FAM135B: variants seen among roughly 807,000 people sequenced by gnomAD.
FAM135B encodes the protein family with sequence similarity 135 member B.
FAM135B carries 43 observed loss-of-function variants against 127.7 expected under a neutral mutation model. That is an observed-to-expected ratio of 0.34 (90% CI 0.26 to 0.43). The LOEUF (loss-of-function observed/expected upper bound fraction) is 0.43, where lower values mean the gene tolerates loss of function less well. Ranked by LOEUF, FAM135B falls within the 20% of genes least tolerant of loss-of-function variation. The pLI is 1.00. For missense variants in FAM135B, 1,558 were observed against 1,725.6 expected (o/e 0.90, Z 1.72); for synonymous variants, 670 against 665.1 (o/e 1.01, Z -0.11).
chr8:138,153,237 A>T, intron 12 of FAM135B, 21 bp from the exon 13 acceptor site: 2 of 1,489,438 alleles, frequency 1.3e-6, no homozygotes, highest in Admixed American at 2.2e-5. Context: ...AAAAGAAAGA[A>T]AATTATATTA....
At chr8:138,447,319 G>A (rs1836232276) in intron 1 of FAM135B, among the ~76,000 whole-genome samples, 1 of 151,974 alleles carries the variant, frequency 6.6e-6, no homozygotes, top group African/African-American at 2.4e-5. Context: ...ATACCCAAAG[G>A]ATTATAAATC....
intron 7 of FAM135B, among the ~76,000 whole-genome samples, chr8:138,212,948 T>A (rs563078066): frequency 6.6e-6 from 1 of 152,328 alleles, no homozygotes; most frequent in African/African-American, 2.4e-5. Context: ...TTAAAAAAAA[T>A]TACTAGTCTC....
chr8:138,250,721 T>C (rs1317365545), intron 6 of FAM135B, 120 bp downstream of exon 6: 39 of 1,129,576 alleles, frequency 3.5e-5, no homozygotes, highest in Non-Finnish European at 4.5e-5. Flanking sequence ...AGCTTAAACC[T>C]GCAGCCTTAG....
At chr8:138,405,356 G>A (rs1407145269) in intron 1 of FAM135B, among the ~76,000 whole-genome samples, 1 of 146,414 alleles carries the variant, frequency 6.8e-6, no homozygotes, top group Non-Finnish European at 1.5e-5. Flanking sequence ...ATCTCCTAAT[G>A]TTATCCCTCC....
chr8:138,482,691 G>T (rs1814830764), intron 1 of FAM135B, among the ~76,000 whole-genome samples: 1 of 152,004 alleles, frequency 6.6e-6, no homozygotes, highest in African/African-American at 2.4e-5. Flanking sequence ...TAGACATATT[G>T]TTCTTGCATT....
intron 3 of FAM135B, among the ~76,000 whole-genome samples, chr8:138,294,595 A>G (rs1004629989): frequency 2.0e-5 from 3 of 152,158 alleles, no homozygotes; most frequent in Admixed American, 6.5e-5. Flanking sequence ...TTAAATGGAA[A>G]ACTCTGAGGT....
At chr8:138,436,256 G>A (rs985096) in intron 1 of FAM135B, among the ~76,000 whole-genome samples, 31,472 of 152,084 alleles carry the variant, frequency 0.21, 5,127 homozygotes, top group African/African-American at 0.45. Flanking sequence ...GGAAGAACTC[G>A]GTAAGATCAA....
At chr8:138,188,288 A>T (rs1418453980) in intron 9 of FAM135B, among the ~76,000 whole-genome samples, 1 of 152,210 alleles carries the variant, frequency 6.6e-6, no homozygotes, top group African/African-American at 2.4e-5. Flanking sequence ...GGAATCCCTG[A>T]TGTAAAGCTG....
In FAM135B at chr8:138,299,609, C is replaced by A. The variant is rs532162118; in HGVS notation, c.157+11232G>T. The stretch of plus-strand genomic sequence containing the variant: ...CATACACACACACACACACACACAC[C>A]CACGATCCAAATATAAAAATTAAGC... On this transcript the variant is annotated intron_variant, in intron 3 of 19. Coordinates refer to ENST00000395297, the MANE Select transcript of FAM135B (RefSeq NM_015912.4). 9.6e-4 allele frequency among the ~76,000 whole-genome samples: 143 copies of A among 149,312 alleles called. No individual in the cohort carries two copies. In the Middle Eastern group the frequency reaches 0.01, roughly 11 times the overall value.
Position 138,152,982 on chromosome 8 carries a change from G to C in FAM135B, c.1493C>G (p.Ser498Cys), listed in dbSNP as rs749817734. 6.2e-7 allele frequency: 1 copy of C among 1,614,198 alleles called. No individual in the cohort carries two copies. Among genetic ancestry groups the C allele is most frequent in the Admixed American group, 1.7e-5 (1 of 60,020 alleles). ...TTCACCAATTGATATATACACCTGA[G>C]ATTCAGAGCACATGTCCATATGATT... ...TQNHMDMCSESQVYISIGEFQ... is the reference protein window; with the variant it reads ...TQNHMDMCSECQVYISIGEFQ... Residue 498 changes from serine to cysteine, a missense_variant, in exon 13 of 20, where the codon TCT becomes TGT. This residue lies in a region of FAM135B where 923 missense variants were observed against 865.3 expected (regional missense o/e 1.07). Transcript: ENST00000395297.
chr8:138,361,635 C>T (rs1830429857), intron 2 of FAM135B, among the ~76,000 whole-genome samples: 1 of 152,166 alleles, frequency 6.6e-6, no homozygotes, highest in Non-Finnish European at 1.5e-5. Flanking sequence ...CACATCCCTA[C>T]ATCTCCAAGT....
Position 138,496,824 on chromosome 8 carries a change from G to A in FAM135B, c.-173C>T, listed in dbSNP as rs960978967. 2.6e-5 allele frequency: 4 copies of A among 152,294 alleles called. No individual in the cohort carries two copies. The highest frequency in any genetic ancestry group is 9.7e-5 in the African/African-American group (4 of 41,424). The allele number at this position is 152,294 out of a possible 1,614,324, so 9.4% of individuals were successfully genotyped here. On this transcript the variant is annotated 5_prime_UTR_variant, in exon 1 of 20. Coordinates refer to ENST00000395297, the MANE Select transcript of FAM135B (RefSeq NM_015912.4). ...CCGCAGCACCTGCGAGCTGGTGTTGGGTCCCCGCGGCGAGGCTGCCTGGAG... is the reference window on the plus strand; with the variant it reads ...CCGCAGCACCTGCGAGCTGGTGTTGAGTCCCCGCGGCGAGGCTGCCTGGAG...
chr8:138,383,857 C>T (rs1832021889), intron 1 of FAM135B, among the ~76,000 whole-genome samples: 1 of 152,166 alleles, frequency 6.6e-6, no homozygotes, highest in African/African-American at 2.4e-5. Flanking sequence ...ACAAAGGAGA[C>T]CACGCCCATC....
In FAM135B at chr8:138,152,260, A is replaced by T. The variant is rs890628249; in HGVS notation, c.2215T>A (p.Leu739Met). 1 of 1,613,980 alleles carries T rather than the reference A, an allele frequency of 6.2e-7. No homozygotes were observed. The highest frequency in any genetic ancestry group is 1.3e-5 in the African/African-American group (1 of 74,918). ...AGAGAAGCCTGGATGCCGCTTGGCA[A>T]ACTTGTGTTACTTTCTGTGTGTCCA... Reference protein sequence around the residue: ...EGGHTESNTSLPSGIQASLTS... With the variant: ...EGGHTESNTSMPSGIQASLTS... Residue 739 changes from leucine to methionine, a missense_variant, in exon 13 of 20, where the codon TTG becomes ATG. Around this residue, in one of 5 missense-constraint regions of FAM135B, gnomAD observed 923 missense variants for 865.3 expected, o/e 1.07. Transcript: ENST00000395297.
intron 1 of FAM135B, among the ~76,000 whole-genome samples, chr8:138,429,743 A>T (rs1007446843): frequency 3.3e-5 from 5 of 152,198 alleles, no homozygotes; most frequent in Non-Finnish European, 5.9e-5. Context: ...GTTGGCGGCC[A>T]GTCCAGAGCA....
chr8:138,337,106 C>T (rs1296633027), intron 2 of FAM135B, among the ~76,000 whole-genome samples: 1 of 151,810 alleles, frequency 6.6e-6, no homozygotes, highest in Non-Finnish European at 1.5e-5. Context: ...TGGGACGTAT[C>T]TCAAAATAAT....
chr8:138,421,134 A>T (rs969353494), intron 1 of FAM135B, among the ~76,000 whole-genome samples: 6 of 152,068 alleles, frequency 3.9e-5, no homozygotes, highest in Admixed American at 2.0e-4. Context: ...ACACGGTGAA[A>T]CCCTGTCTCT....
At chr8:138,357,158 A>C (rs2131155064) in intron 2 of FAM135B, among the ~76,000 whole-genome samples, 1 of 152,318 alleles carries the variant, frequency 6.6e-6, no homozygotes, top group African/African-American at 2.4e-5. Context: ...TAAAGAAAAA[A>C]AGACAATTTT....
At chr8:138,205,440 T>A (rs1043963184) in intron 7 of FAM135B, among the ~76,000 whole-genome samples, 3 of 152,212 alleles carry the variant, frequency 2.0e-5, no homozygotes, top group Non-Finnish European at 4.4e-5. Context: ...CGAGTTGAAC[T>A]TCTAACTCAG....
Sources: allele counts gnomAD v4.1 joint callset (sites outside exome capture counted in the v4.1 genomes callset), GRCh38; gene constraint gnomAD v4.1.1; regional missense constraint gnomAD v4.1.1; transcripts MANE v1.5; gene names NCBI Gene and HGNC (gene_info 2026-07-23, HGNC 2026-07-21).